The following DPP10 variants were observed in gnomAD, a reference collection of about 807,000 sequenced individuals.
DPP10 encodes dipeptidyl peptidase like 10.
Under a neutral mutation model 120.9 loss-of-function variants are expected in DPP10, and 33 were observed. The observed-to-expected ratio is 0.27, with a 90% confidence interval of 0.21 to 0.37. The LOEUF is 0.37. DPP10 is among the 10% of genes least tolerant of loss of function. The probability of loss-of-function intolerance (pLI) is 1.00; values close to 1 mark genes in which losing one functional copy is unlikely to be tolerated. For synonymous variants in DPP10, 337 were observed against 326.1 expected, an observed-to-expected ratio of 1.03 and a Z score of -0.36; for missense variants, 816 against 942.8, an observed-to-expected ratio of 0.87 and a Z score of 1.76.
chr2:114,938,008 T>G (rs1156604588), intron 1 of DPP10, among the ~76,000 whole-genome samples: 1 of 152,216 alleles, frequency 6.6e-6, no homozygotes, highest in Non-Finnish European at 1.5e-5. Flanking sequence ...GCCAATTCAT[T>G]TCTTGTAAGT....
At chr2:114,573,347 G>C (rs993777008) in intron 1 of DPP10, among the ~76,000 whole-genome samples, 1 of 152,110 alleles carries the variant, frequency 6.6e-6, no homozygotes, top group Admixed American at 6.5e-5. Context: ...ATCTTCATTT[G>C]GTCAAGTCCA....
At chr2:114,878,984 G>A (rs372179959) in intron 1 of DPP10, among the ~76,000 whole-genome samples, 3 of 152,062 alleles carry the variant, frequency 2.0e-5, no homozygotes, top group Non-Finnish European at 2.9e-5. Context: ...TCATGTGAAA[G>A]GTATGGGATT....
At chr2:115,108,607 A>G (rs1229088098) in intron 1 of DPP10, among the ~76,000 whole-genome samples, 1 of 152,168 alleles carries the variant, frequency 6.6e-6, no homozygotes, top group Non-Finnish European at 1.5e-5. Flanking sequence ...CTGTGTGGGG[A>G]TCTAGTGCAG....
At chr2:114,918,501 T>G (rs943160364) in intron 1 of DPP10, among the ~76,000 whole-genome samples, 1 of 152,110 alleles carries the variant, frequency 6.6e-6, no homozygotes, top group African/African-American at 2.4e-5. Context: ...CATGCATATA[T>G]CCATTGCAGC....
chr2:115,427,802 G>A (rs991013599), intron 3 of DPP10, among the ~76,000 whole-genome samples: 2 of 152,106 alleles, frequency 1.3e-5, no homozygotes, highest in African/African-American at 4.8e-5. Context: ...CTAAAAATGG[G>A]CTTTTTGTTT....
At chr2:115,202,458 T>C (rs186367598) in intron 1 of DPP10, among the ~76,000 whole-genome samples, 5 of 152,330 alleles carry the variant, frequency 3.3e-5, no homozygotes, top group Admixed American at 6.5e-5. Flanking sequence ...CAGCTTCTTA[T>C]TGAGAATTTT....
intron 1 of DPP10, among the ~76,000 whole-genome samples, chr2:115,112,691 G>A (rs1335543043): frequency 6.6e-6 from 1 of 152,158 alleles, no homozygotes; most frequent in Non-Finnish European, 1.5e-5. Flanking sequence ...AGAGTAAAAT[G>A]GTGGTTACCA....
intron 5 of DPP10, among the ~76,000 whole-genome samples, chr2:115,666,629 G>A (rs569128737): frequency 2.6e-5 from 4 of 152,304 alleles, no homozygotes; most frequent in African/African-American, 9.6e-5. Context: ...TGGTATGTAT[G>A]TACCACATTT....
chr2:115,513,413 A>T (rs2148846991), intron 4 of DPP10, among the ~76,000 whole-genome samples: 1 of 151,942 alleles, frequency 6.6e-6, no homozygotes, highest in Non-Finnish European at 1.5e-5. Context: ...CATTTATTTA[A>T]TAATATTTGT....
At chr2:115,417,576 G>A (rs843390) in intron 3 of DPP10, among the ~76,000 whole-genome samples, 2 of 151,992 alleles carry the variant, frequency 1.3e-5, no homozygotes, top group African/African-American at 4.8e-5. Context: ...TATGATGTAG[G>A]TATGTATGTC....
chr2:115,489,214 G>C (rs1343763005), intron 3 of DPP10, among the ~76,000 whole-genome samples: 1 of 151,944 alleles, frequency 6.6e-6, no homozygotes, highest in Non-Finnish European at 1.5e-5. Flanking sequence ...GCAGCCATGA[G>C]CAATAAATAG....
chr2:115,473,945 C>T (rs2105202534), intron 3 of DPP10, among the ~76,000 whole-genome samples: 1 of 152,212 alleles, frequency 6.6e-6, no homozygotes, highest in South Asian at 2.1e-4. Context: ...CAGTGAAAAC[C>T]TGGAACCATT....
At chr2:115,542,570 C>A (rs1479196651) in intron 5 of DPP10, among the ~76,000 whole-genome samples, 4 of 151,818 alleles carry the variant, frequency 2.6e-5, no homozygotes, top group Non-Finnish European at 5.9e-5. Flanking sequence ...AAGAAAGATT[C>A]TTGTGCATAT....
intron 1 of DPP10, among the ~76,000 whole-genome samples, chr2:115,062,736 C>T (rs1559049030): frequency 1.3e-5 from 2 of 152,206 alleles, no homozygotes; most frequent in African/African-American, 4.8e-5. Context: ...CTTTTTATGG[C>T]TGCATAGTAT....
chr2:114,648,654 C>T (rs767184973), intron 1 of DPP10, among the ~76,000 whole-genome samples: 2 of 152,112 alleles, frequency 1.3e-5, no homozygotes, highest in Admixed American at 6.5e-5. Context: ...GGGATTCAGT[C>T]GTTGTATCTA....
chr2:114,960,251 CAA>C (rs1367603577), intron 1 of DPP10, among the ~76,000 whole-genome samples: 1 of 151,762 alleles, frequency 6.6e-6, no homozygotes, highest in Admixed American at 6.6e-5. Context: ...AAGTTGAAAA[CAA>C]AGAGATGTTA....
intron 1 of DPP10, among the ~76,000 whole-genome samples, chr2:114,790,727 A>G (rs1389896417): frequency 6.6e-6 from 1 of 152,184 alleles, no homozygotes; most frequent in African/African-American, 2.4e-5. Flanking sequence ...CCAGGAAAAG[A>G]ACTTTCACAA....
chr2:114,628,660 T>C (rs1171619089), intron 1 of DPP10, among the ~76,000 whole-genome samples: 1 of 152,106 alleles, frequency 6.6e-6, no homozygotes, highest in African/African-American at 2.4e-5. Flanking sequence ...CTGAAGTTTT[T>C]TTCTTGAGAT....
chr2:114,983,045 A>G (rs973343543), intron 1 of DPP10, among the ~76,000 whole-genome samples: 10 of 152,214 alleles, frequency 6.6e-5, no homozygotes, highest in African/African-American at 2.4e-4. Context: ...TTTCTTTTAT[A>G]TAATATTAAC....
Sources: allele counts gnomAD v4.1 joint callset (sites outside exome capture counted in the v4.1 genomes callset), GRCh38; gene constraint gnomAD v4.1.1; transcripts MANE v1.5; gene names NCBI Gene and HGNC (gene_info 2026-07-23, HGNC 2026-07-21).